The following RANBP2 variants were observed in gnomAD, a reference collection of about 807,000 sequenced individuals.
RANBP2 encodes RAN binding protein 2.
RANBP2 carries 57 observed loss-of-function variants against 303.6 expected under a neutral mutation model. The observed-to-expected ratio is 0.19, with a 90% CI of 0.15 to 0.23. RANBP2 has a LOEUF of 0.23. RANBP2 is among the 10% of genes least tolerant of loss of function. The pLI, the probability that RANBP2 is intolerant of heterozygous loss-of-function variation, is 1.00. For missense variants in RANBP2, 3,138 were observed against 3,780.8 expected (o/e 0.83, Z 4.46); for synonymous variants, 1,167 against 1,301.5 (o/e 0.90, Z 2.23).
the RANBP2 span, among the ~76,000 whole-genome samples, chr2:109,005,932 G>A: frequency 5.9e-5 from 9 of 152,286 alleles, no homozygotes; most frequent in East Asian, 1.9e-4. Flanking sequence ...CTTCGGAGTC[G>A]TGGAGCTGCC....
At chr2:109,594,771 T>A in the RANBP2 span, 1 of 152,204 alleles carries the variant, frequency 6.6e-6, no homozygotes, top group Non-Finnish European at 1.5e-5. Flanking sequence ...AGTGAATAAA[T>A]CTTACAGAGA....
chr2:109,575,305 A>C, the RANBP2 span, among the ~76,000 whole-genome samples: 1 of 152,246 alleles, frequency 6.6e-6, no homozygotes, highest in East Asian at 1.9e-4. Context: ...TCAATAACTC[A>C]AAAGACATTT....
chr2:109,325,283 G>A, the RANBP2 span, among the ~76,000 whole-genome samples: 1 of 148,772 alleles, frequency 6.7e-6, no homozygotes, highest in South Asian at 2.2e-4. Context: ...AATCCCAGGA[G>A]TCATTGGATT....
chr2:109,261,157 A>G, the RANBP2 span, among the ~76,000 whole-genome samples: 3 of 152,140 alleles, frequency 2.0e-5, no homozygotes, highest in Non-Finnish European at 2.9e-5. Context: ...GTGTGGACAC[A>G]TCAACATTTC....
chr2:109,553,723 G>A, the RANBP2 span, among the ~76,000 whole-genome samples: 606 of 150,022 alleles, frequency 4.0e-3, 6 homozygotes, highest in African/African-American at 0.014. Flanking sequence ...GCATGGTGGC[G>A]TGCGCCTGTA....
the RANBP2 span, among the ~76,000 whole-genome samples, chr2:109,675,276 G>C: frequency 6.6e-6 from 1 of 152,352 alleles, no homozygotes; most frequent in Middle Eastern, 3.4e-3. Context: ...GCTTGGCAAA[G>C]TGCAAAGTTC....
At chr2:108,848,111 T>G in the RANBP2 span, among the ~76,000 whole-genome samples, 1 of 152,184 alleles carries the variant, frequency 6.6e-6, no homozygotes, top group Non-Finnish European at 1.5e-5. Context: ...AATATTAGTA[T>G]CAAGAATTTG....
chr2:109,156,305 C>T, the RANBP2 span, among the ~76,000 whole-genome samples: 1,242 of 152,308 alleles, frequency 8.2e-3, 10 homozygotes, highest in Non-Finnish European at 9.7e-3. Flanking sequence ...GTGTTTTCTC[C>T]GCCCCTCGCA....
At chr2:109,496,546 G>A in the RANBP2 span, among the ~76,000 whole-genome samples, 1 of 152,178 alleles carries the variant, frequency 6.6e-6, no homozygotes, top group African/African-American at 2.4e-5. Context: ...GAGGGTGAGG[G>A]CACCTGCAGC....
the RANBP2 span, among the ~76,000 whole-genome samples, chr2:108,951,213 T>G: frequency 6.6e-6 from 1 of 152,248 alleles, no homozygotes. Context: ...GTTTCCCCTA[T>G]AGCAGCTGTG....
At chr2:109,615,631 A>G in the RANBP2 span, 2 of 1,613,756 alleles carry the variant, frequency 1.2e-6, no homozygotes, top group East Asian at 2.2e-5. Flanking sequence ...GCCTCCCAGT[A>G]CCTGAGTCGG....
the RANBP2 span, among the ~76,000 whole-genome samples, chr2:109,368,743 C>T: frequency 0.018 from 2,737 of 148,352 alleles, 80 homozygotes; most frequent in African/African-American, 0.058. Flanking sequence ...AAAGAAAGAA[C>T]GAAAGAAACA....
chr2:109,279,761 G>A, the RANBP2 span, among the ~76,000 whole-genome samples: 4 of 150,532 alleles, frequency 2.7e-5, no homozygotes, highest in African/African-American at 7.3e-5. Flanking sequence ...GCGAAACTTC[G>A]CAGACGCTGA....
chr2:108,961,654 T>C, the RANBP2 span, among the ~76,000 whole-genome samples: 51 of 152,354 alleles, frequency 3.3e-4, no homozygotes, highest in Middle Eastern at 3.4e-3. Flanking sequence ...TCTGAAACTC[T>C]ATGGTCAGAA....
At chr2:108,964,237 TG>T in the RANBP2 span, among the ~76,000 whole-genome samples, 2 of 152,188 alleles carry the variant, frequency 1.3e-5, no homozygotes, top group African/African-American at 4.8e-5. Flanking sequence ...TATTTACTCC[TG>T]GGGAAACTGA....
the RANBP2 span, among the ~76,000 whole-genome samples, chr2:109,072,160 G>A: frequency 6.6e-6 from 1 of 152,190 alleles, no homozygotes; most frequent in African/African-American, 2.4e-5. Context: ...GGCTTATGTG[G>A]GATGTAGTGA....
the RANBP2 span, among the ~76,000 whole-genome samples, chr2:109,032,239 A>G: frequency 2.0e-5 from 3 of 151,798 alleles, no homozygotes; most frequent in African/African-American, 2.4e-5. Context: ...CTGCACATCA[A>G]TCTTGTTGAT....
At chr2:109,652,257 C>T in the RANBP2 span, among the ~76,000 whole-genome samples, 1 of 151,084 alleles carries the variant, frequency 6.6e-6, no homozygotes, top group African/African-American at 2.4e-5. Context: ...GAGTCTCGCT[C>T]TGTCACTCAG....
At chr2:108,974,711 C>G in the RANBP2 span, among the ~76,000 whole-genome samples, 1 of 151,710 alleles carries the variant, frequency 6.6e-6, no homozygotes, top group Non-Finnish European at 1.5e-5. Context: ...CCCTGGGTGA[C>G]AGAGCAAGAC....
Sources: gnomAD v4.1 joint callset for allele counts (sites outside exome capture counted in the v4.1 genomes callset) on GRCh38, gnomAD v4.1.1 for gene constraint, MANE v1.5 for transcripts, NCBI Gene and HGNC (gene_info 2026-07-23, HGNC 2026-07-21) for gene names.